The following DISP1 variants were observed in gnomAD, a reference collection of about 807,000 sequenced individuals.
The protein encoded by DISP1 is protein dispatched homolog 1.
DISP1 carries 30 observed loss-of-function variants against 37.3 expected under a neutral mutation model. The observed-to-expected ratio is 0.80, with a 90% CI of 0.60 to 1.09. The LOEUF (loss-of-function observed/expected upper bound fraction) is 1.09, where lower values mean the gene tolerates loss of function less well. DISP1 is among the 50% of genes least tolerant of loss of function. The pLI is 0.00. For synonymous variants in DISP1, 634 were observed against 690.2 expected, an observed-to-expected ratio of 0.92 and a Z score of 1.28; for missense variants, 1,598 against 1,879.5, an observed-to-expected ratio of 0.85 and a Z score of 2.77.
chr1:223,002,590 G>T lies in DISP1; in HGVS notation c.1193G>T (p.Cys398Phe), dbSNP rs1263234971. Residue 398 changes from cysteine to phenylalanine, a missense_variant, in exon 9 of 9, where the codon TGC becomes TTC. Coordinates refer to ENST00000675850, the MANE Select transcript of DISP1 (RefSeq NM_001377229.1). ...HYQNGTLGPD[C>F]WDMAARRKDQ... Reference sequence around the variant, plus strand: ...CAAAATGGCACTCTGGGGCCAGACTGCTGGGACATGGCAGCCAGAAGAAAG... The same window carrying T: ...CAAAATGGCACTCTGGGGCCAGACTTCTGGGACATGGCAGCCAGAAGAAAG... 3 of 1,614,204 alleles carry T rather than the reference G, an allele frequency of 1.9e-6. No homozygotes were observed. The highest frequency in any genetic ancestry group is 2.5e-6 in the Non-Finnish European group (3 of 1,180,034).
chr1:222,957,145 T>TAAAA (rs35888809), intron 3 of DISP1, among the ~76,000 whole-genome samples: 6 of 103,242 alleles, frequency 5.8e-5, no homozygotes, highest in African/African-American at 1.1e-4. Flanking sequence ...TTTACTATTG[T>TAAAA]AAAAAAAAAA....
At chr1:222,822,922 C>T (rs1457306683) in intron 1 of DISP1, among the ~76,000 whole-genome samples, 1 of 152,092 alleles carries the variant, frequency 6.6e-6, no homozygotes, top group Non-Finnish European at 1.5e-5. Flanking sequence ...TTCTTTTGTC[C>T]CTTAACCTCT....
intron 1 of DISP1, among the ~76,000 whole-genome samples, chr1:222,887,560 G>A (rs1458739450): frequency 2.9e-5 from 3 of 103,738 alleles, no homozygotes; most frequent in East Asian, 2.5e-4. Context: ...CTGCAGTGGC[G>A]CAATCTCGGC....
intron 1 of DISP1, among the ~76,000 whole-genome samples, chr1:222,834,612 A>C (rs1207516895): frequency 6.6e-6 from 1 of 152,212 alleles, no homozygotes; most frequent in Non-Finnish European, 1.5e-5. Context: ...GACTGCTTTA[A>C]AAAATGGTAC....
chr1:222,925,239 T>C (rs2789965), intron 1 of DISP1, among the ~76,000 whole-genome samples: 40,376 of 152,038 alleles, frequency 0.27, 5,627 homozygotes, highest in South Asian at 0.47. Flanking sequence ...TAAGAATTTA[T>C]AAGTTTCTGA....
intron 3 of DISP1, among the ~76,000 whole-genome samples, chr1:222,954,159 A>G (rs571070475): frequency 6.6e-6 from 1 of 152,096 alleles, no homozygotes; most frequent in African/African-American, 2.4e-5. Context: ...ATTATGGATC[A>G]GTTACATGTC....
intron 3 of DISP1, among the ~76,000 whole-genome samples, chr1:222,954,896 A>T (rs1351300960): frequency 6.6e-6 from 1 of 152,044 alleles, no homozygotes; most frequent in Non-Finnish European, 1.5e-5. Context: ...CAACTGCCTG[A>T]AATATAGGAA....
At chr1:222,969,147 G>A (rs542391852) in intron 3 of DISP1, among the ~76,000 whole-genome samples, 1 of 151,768 alleles carries the variant, frequency 6.6e-6, no homozygotes, top group Non-Finnish European at 1.5e-5. Flanking sequence ...GAGGTGGGTG[G>A]ATCATCTGAC....
intron 1 of DISP1, among the ~76,000 whole-genome samples, chr1:222,864,613 TA>T (rs909877673): frequency 7.9e-5 from 12 of 152,170 alleles, no homozygotes; most frequent in Admixed American, 2.0e-4. Context: ...GTTTTTGTTT[TA>T]AAAAAACTTT....
chr1:222,832,138 G>A (rs1486038147), intron 1 of DISP1, among the ~76,000 whole-genome samples: 2 of 151,998 alleles, frequency 1.3e-5, no homozygotes, highest in Non-Finnish European at 2.9e-5. Context: ...AAAAAATGTG[G>A]TGGGCGCCTG....
intron 1 of DISP1, among the ~76,000 whole-genome samples, chr1:222,861,717 A>C (rs1032564974): frequency 7.9e-5 from 12 of 152,336 alleles, no homozygotes; most frequent in Admixed American, 7.8e-4. Flanking sequence ...TAAATTATTA[A>C]ACTTGCATTT....
chr1:222,873,630 G>T (rs1415106864), intron 1 of DISP1, among the ~76,000 whole-genome samples: 1 of 152,100 alleles, frequency 6.6e-6, no homozygotes, highest in Non-Finnish European at 1.5e-5. Flanking sequence ...TTGCTTGGTA[G>T]ATCTTCCTCC....
intron 1 of DISP1, among the ~76,000 whole-genome samples, chr1:222,825,659 C>T (rs1664185402): frequency 6.6e-6 from 1 of 152,012 alleles, no homozygotes; most frequent in Non-Finnish European, 1.5e-5. Context: ...CACCACCACA[C>T]CTGGCTAATT....
rs186857407 is a variant in DISP1 at position 222,935,323 on chromosome 1, T to A, written c.-18+6753T>A. On this transcript the variant is annotated intron_variant, in intron 2 of 8. Transcript: ENST00000675850. ...GTGATCCAGTCTTGCCATTTATTCT[T>A]AAGTTTGGTATTAGGAATCTGGTGA... is the stretch of plus-strand genomic sequence containing the variant. 3.3e-5 allele frequency among the ~76,000 whole-genome samples: 5 copies of A among 152,302 alleles called. No homozygotes were observed. The East Asian group carries it at 9.6e-4, about 29-fold the overall frequency.
chr1:222,827,644 T>C (rs1664755551), intron 1 of DISP1: 1 of 152,176 alleles, frequency 6.6e-6, no homozygotes, highest in Non-Finnish European at 1.5e-5. Flanking sequence ...ATAATCATTT[T>C]TTATTTCTAG....
At chr1:222,856,209 T>C (rs1332897881) in intron 1 of DISP1, among the ~76,000 whole-genome samples, 1 of 152,214 alleles carries the variant, frequency 6.6e-6, no homozygotes, top group Non-Finnish European at 1.5e-5. Flanking sequence ...TTTTAGTGGA[T>C]CAGTGTTTAA....
At chr1:222,838,133 T>G (rs1161709150) in intron 1 of DISP1, among the ~76,000 whole-genome samples, 1 of 152,128 alleles carries the variant, frequency 6.6e-6, no homozygotes, top group African/African-American at 2.4e-5. Context: ...ATACTTAAGT[T>G]TTTTCCTTTC....
chr1:222,952,417 CTT>C (rs904821345), intron 3 of DISP1, among the ~76,000 whole-genome samples: 14 of 152,106 alleles, frequency 9.2e-5, no homozygotes, highest in Non-Finnish European at 1.6e-4. Context: ...GCAAATGAAA[CTT>C]ATATGATATA....
At position 222,824,246 on chromosome 1, in the gene DISP1, A is replaced by G. The variant is rs1663714361; in HGVS notation, c.-159+9168A>G. Among the ~76,000 whole-genome samples, 4 of 152,286 alleles carry G rather than the reference A, an allele frequency of 2.6e-5. No homozygotes were observed. In the South Asian group the frequency reaches 8.3e-4, roughly 32 times the overall value. On this transcript the variant is annotated intron_variant, in intron 1 of 8. Coordinates refer to ENST00000675850, the MANE Select transcript of DISP1 (RefSeq NM_001377229.1). ...TGTCCTACTTGTTGAAAATGCCTCT[A>G]ATGATACTGGCCTCTATTTATTGAT...
Sources: allele counts gnomAD v4.1 joint callset (sites outside exome capture counted in the v4.1 genomes callset), GRCh38; gene constraint gnomAD v4.1.1; transcripts MANE v1.5; gene names NCBI Gene and HGNC (gene_info 2026-07-23, HGNC 2026-07-21).